RAB27A: variants seen among roughly 807,000 people sequenced by gnomAD.
The protein encoded by RAB27A is ras-related protein Rab-27A.
A neutral mutation model predicts 20.8 loss-of-function variants in RAB27A; 17 were observed. The ratio of observed to expected loss-of-function variants is 0.82; its 90% confidence interval spans 0.56 to 1.23. The LOEUF (loss-of-function observed/expected upper bound fraction) is 1.23. Among genes scored for constraint, RAB27A ranks in the 50% most tolerant of loss-of-function variants. RAB27A has a pLI of 0.00. For missense variants in RAB27A, 277 were observed against 266.7 expected (o/e 1.04, Z -0.27); for synonymous variants, 85 against 92.8 (o/e 0.92, Z 0.48).
intron 2 of RAB27A, among the ~76,000 whole-genome samples, chr15:55,252,942 G>A (rs954065216): frequency 2.0e-5 from 3 of 151,890 alleles, no homozygotes; most frequent in African/African-American, 4.8e-5. Context: ...AGACCAGCTG[G>A]CCAACATGGT....
rs923084405 is a variant in RAB27A, at chr15:55,230,332, C to T, written c.239+69G>A. 1.5e-4 allele frequency: 212 copies of T among 1,420,416 alleles called. 2 individuals are homozygous for T. The highest frequency in any genetic ancestry group is 4.6e-5 in the Non-Finnish European group (46 of 1,005,518). The allele number at this position is 1,420,416 out of a possible 1,614,324, so 88.0% of individuals were successfully genotyped here. Reference sequence around the variant, plus strand: ...TTGGCTGGCTTTTTCCTGCTCAGGTCACTGTTTGAAGAATGTAACTATTTT... The same window carrying T: ...TTGGCTGGCTTTTTCCTGCTCAGGTTACTGTTTGAAGAATGTAACTATTTT... On this transcript the variant is annotated intron_variant, in intron 4 of 6. Transcript: ENST00000336787.
chr15:55,319,003 T>C, exon 1 of RAB27A: 1 of 478,516 alleles, frequency 2.1e-6, no homozygotes. Flanking sequence ...ACCGGGGGCC[T>C]TCCAGCAGTT....
intron 6 of RAB27A, among the ~76,000 whole-genome samples, chr15:55,217,158 G>A (rs1443136571): frequency 6.6e-6 from 1 of 152,168 alleles, no homozygotes; most frequent in South Asian, 2.1e-4. Flanking sequence ...GGGACCAGGA[G>A]TCAGGTTAAC....
intron 6 of RAB27A, among the ~76,000 whole-genome samples, chr15:55,207,080 G>A (rs960604716): frequency 3.9e-5 from 6 of 152,202 alleles, no homozygotes; most frequent in Middle Eastern, 3.4e-3. Context: ...GGAAATGCAA[G>A]TTAAAATAAT....
chr15:55,221,686 T>G (rs1171207994), intron 6 of RAB27A, among the ~76,000 whole-genome samples: 1 of 152,116 alleles, frequency 6.6e-6, no homozygotes, highest in Non-Finnish European at 1.5e-5. Flanking sequence ...CAAAAGAGAT[T>G]TGGGGGCAAT....
intron 1 of RAB27A, among the ~76,000 whole-genome samples, chr15:55,271,638 C>T (rs1454915201): frequency 6.6e-6 from 1 of 152,236 alleles, no homozygotes; most frequent in Non-Finnish European, 1.5e-5. Flanking sequence ...TTGGTCTTTG[C>T]TGTTGCTTTG....
At chr15:55,263,143 T>C (rs1166958040) in intron 2 of RAB27A, among the ~76,000 whole-genome samples, 1 of 152,214 alleles carries the variant, frequency 6.6e-6, no homozygotes, top group Non-Finnish European at 1.5e-5. Context: ...GTTTCTGCTC[T>C]TTTCTCATAC....
intron 6 of RAB27A, among the ~76,000 whole-genome samples, chr15:55,211,802 A>G (rs886186538): frequency 6.6e-6 from 1 of 152,168 alleles, no homozygotes; most frequent in Non-Finnish European, 1.5e-5. Context: ...GTCCTCATAT[A>G]CTATACTATG....
At chr15:55,295,899 CTT>C (rs762977591) in intron 2 of RAB27A, among the ~76,000 whole-genome samples, 22 of 139,146 alleles carry the variant, frequency 1.6e-4, no homozygotes, top group Non-Finnish European at 1.4e-4. Context: ...AGAACCAATA[CTT>C]TTTTTTTTTT....
At position 55,203,947 on chromosome 15, in the gene RAB27A, A is replaced by C. The variant is rs998427984; in HGVS notation, c.*1560T>G. 1 of 152,156 alleles carries C rather than the reference A, an allele frequency of 6.6e-6. No homozygotes were observed. Among genetic ancestry groups the C allele is most frequent in the African/African-American group, 2.4e-5 (1 of 41,442 alleles). The allele number at this position is 152,156 out of a possible 1,614,324, so 9.4% of individuals were successfully genotyped here. On this transcript the variant is annotated 3_prime_UTR_variant, in exon 7 of 7. Coordinates refer to ENST00000336787, the MANE Select transcript of RAB27A (RefSeq NM_183235.3). ...TTTTATTTTTCCTTTTTTAAAAATAAATTTAGGGGGTACAAGTACAGTTTA... is the reference window on the plus strand; with the variant it reads ...TTTTATTTTTCCTTTTTTAAAAATACATTTAGGGGGTACAAGTACAGTTTA...
At chr15:55,280,002 C>G (rs1897972517) in intron 1 of RAB27A, among the ~76,000 whole-genome samples, 1 of 152,118 alleles carries the variant, frequency 6.6e-6, no homozygotes. Context: ...TTCAGTAGGT[C>G]TGGAGTGGGG....
intron 2 of RAB27A, among the ~76,000 whole-genome samples, chr15:55,265,939 C>A (rs182001855): frequency 6.6e-6 from 1 of 152,156 alleles, no homozygotes; most frequent in Non-Finnish European, 1.5e-5. Flanking sequence ...AAGGCCACCA[C>A]GGGCTCTTTA....
intron 2 of RAB27A, among the ~76,000 whole-genome samples, chr15:55,265,108 G>A (rs184523355): frequency 1.9e-4 from 29 of 152,268 alleles, no homozygotes; most frequent in African/African-American, 5.1e-4. Context: ...CGGGCGTGGC[G>A]GCGCATGCCT....
chr15:55,209,984 A>G (rs1344652279), intron 6 of RAB27A, among the ~76,000 whole-genome samples: 2 of 136,760 alleles, frequency 1.5e-5, no homozygotes, highest in Non-Finnish European at 3.1e-5. Flanking sequence ...GTACATGTAC[A>G]TATATACGCA....
At chr15:55,279,190 C>T (rs1897952121) in intron 1 of RAB27A, among the ~76,000 whole-genome samples, 1 of 152,168 alleles carries the variant, frequency 6.6e-6, no homozygotes, top group Non-Finnish European at 1.5e-5. Context: ...GCCCCCATGG[C>T]CTGTCCTCCC....
chr15:55,297,666 G>C (rs986617847), intron 2 of RAB27A, among the ~76,000 whole-genome samples: 11 of 152,190 alleles, frequency 7.2e-5, no homozygotes, highest in Non-Finnish European at 1.5e-4. Flanking sequence ...TATGAGAAGA[G>C]GAAATTGGCT....
rs531233532 is a variant in RAB27A, at chr15:55,214,117, A to C, written c.468-8412T>G. On this transcript the variant is annotated intron_variant, in intron 6 of 6. Transcript: ENST00000336787. ...TAAGGCCTTGCAACTGAATCTCTGC[A>C]ATTCTCTGTTTTAGCACAGCTATTA... Among the ~76,000 whole-genome samples the C allele has an allele frequency of 2.0e-5, 3 of 152,294 alleles. No individual in the cohort carries two copies. The East Asian group carries it at 5.8e-4, about 29-fold the overall frequency.
intron 2 of RAB27A, 69 bp from the exon 3 acceptor site, chr15:55,235,025 G>A: frequency 7.8e-7 from 1 of 1,279,620 alleles, no homozygotes; most frequent in Non-Finnish European, 1.1e-6. Context: ...TTTAAAAAGT[G>A]ACAACAATAT....
At chr15:55,232,463 C>T (rs568819237) in intron 3 of RAB27A, among the ~76,000 whole-genome samples, 1 of 152,232 alleles carries the variant, frequency 6.6e-6, no homozygotes, top group South Asian at 2.1e-4. Context: ...AAGTATGGCT[C>T]ATGCGCAGGA....
Sources: gnomAD v4.1 joint callset for allele counts (sites outside exome capture counted in the v4.1 genomes callset) on GRCh38, gnomAD v4.1.1 for gene constraint, MANE v1.5 for transcripts, NCBI Gene and HGNC (gene_info 2026-07-23, HGNC 2026-07-21) for gene names.